Variants in FAM193A observed in about 807,000 individuals in gnomAD.
The protein encoded by FAM193A is protein FAM193A.
A neutral mutation model predicts 126.5 loss-of-function variants in FAM193A; 22 were observed. The ratio of observed to expected loss-of-function variants is 0.17; its 90% CI spans 0.12 to 0.25. FAM193A has a LOEUF of 0.25. FAM193A is among the 10% of genes least tolerant of loss of function. The pLI is 1.00. For missense variants in FAM193A, 1,675 were observed against 1,672.8 expected, an observed-to-expected ratio of 1.00 and a Z score of -0.02; for synonymous variants, 761 against 646.8, an observed-to-expected ratio of 1.18 and a Z score of -2.68.
At chr4:2,708,378 G>A (rs1430011556) in intron 19 of FAM193A, 1 of 166,834 alleles carries the variant, frequency 6.0e-6, no homozygotes, top group African/African-American at 2.4e-5. Flanking sequence ...ACCCATCTCG[G>A]CCTCCCAAAA....
At chr4:2,677,478 C>T (rs1315403088) in intron 13 of FAM193A, among the ~76,000 whole-genome samples, 1 of 151,728 alleles carries the variant, frequency 6.6e-6, no homozygotes, top group African/African-American at 2.4e-5. Flanking sequence ...CGGTGGCTTA[C>T]ACTTGTAATC....
intron 1 of FAM193A, among the ~76,000 whole-genome samples, chr4:2,537,692 G>A (rs1281074832): frequency 6.6e-6 from 1 of 152,214 alleles, no homozygotes; most frequent in Admixed American, 6.5e-5. Context: ...TATTCCGTGC[G>A]CGTGATGATT....
rs1350934311 is a variant in FAM193A at position 2,700,247 on chromosome 4, A to C, written c.4075A>C (p.Lys1359Gln). The C allele has an allele frequency of 1.2e-6, 2 of 1,614,058 alleles. No homozygotes were observed. The highest frequency in any genetic ancestry group is 1.7e-5 in the Admixed American group (1 of 60,004). Residue 1359 changes from lysine to glutamine, a missense_variant, in exon 19 of 21, where the codon AAG becomes CAG. Physicochemically the swap from Lys to Gln is moderately conservative, Grantham distance 53. Transcript: ENST00000637812. ...EPARRPTEPP[K>Q]ATEGQSKPRA... ...AGCGAGGAGGCCCACAGAGCCCCCC[A>C]AGGCCACAGAGGGGCAGTCCAAGCC...
At chr4:2,679,790 T>G (rs902169770) in intron 13 of FAM193A, among the ~76,000 whole-genome samples, 6 of 152,184 alleles carry the variant, frequency 3.9e-5, no homozygotes, top group Non-Finnish European at 8.8e-5. Flanking sequence ...AAGATTGGTA[T>G]TAATTCTTTA....
intron 13 of FAM193A, among the ~76,000 whole-genome samples, chr4:2,680,875 C>G (rs867183710): frequency 6.6e-6 from 1 of 151,388 alleles, no homozygotes; most frequent in South Asian, 2.1e-4. Context: ...CCCCTGACCT[C>G]AGGTGATCCA....
chr4:2,591,556 C>T (rs910161440), intron 1 of FAM193A, among the ~76,000 whole-genome samples: 6 of 152,036 alleles, frequency 3.9e-5, no homozygotes, highest in African/African-American at 7.2e-5. Context: ...CTTCATAGGG[C>T]GGTCTAATCT....
chr4:2,607,172 A>G (rs1455805980), intron 2 of FAM193A, among the ~76,000 whole-genome samples: 1 of 152,188 alleles, frequency 6.6e-6, no homozygotes, highest in Admixed American at 6.5e-5. Flanking sequence ...TATTCAGAAG[A>G]CTTGTGCTCA....
rs1264341157 is a variant in FAM193A at position 2,536,771 on chromosome 4, C to T, written c.-145C>T. On this transcript the variant is annotated 5_prime_UTR_variant, in exon 1 of 21. Coordinates refer to ENST00000637812, the MANE Select transcript of FAM193A (RefSeq NM_001366318.2). ...CGCAGCTCCCGCCCGCCCCAGCCCT[C>T]CCCGACCCGGACGCGACCCCGCGCA... 1.3e-5 allele frequency: 2 copies of T among 148,930 alleles called. No individual in the cohort carries two copies. The highest frequency in any genetic ancestry group is 3.0e-5 in the Non-Finnish European group (2 of 66,538). 9.2% of individuals were successfully genotyped at this position (148,930 alleles called of 1,614,324 possible). A position where few individuals can be genotyped will look rare whatever the true frequency, so the allele number is the denominator to read the frequency against.
At chr4:2,636,957 G>A (rs1744144178) in intron 5 of FAM193A, among the ~76,000 whole-genome samples, 1 of 151,940 alleles carries the variant, frequency 6.6e-6, no homozygotes, top group South Asian at 2.1e-4. Context: ...GCCCTCACGT[G>A]AGGTTTATTC....
At chr4:2,705,275 C>A (rs188966926) in intron 19 of FAM193A, among the ~76,000 whole-genome samples, 1 of 152,322 alleles carries the variant, frequency 6.6e-6, no homozygotes, top group East Asian at 1.9e-4. Flanking sequence ...GACATTCTCT[C>A]CCAGTTCATA....
intron 1 of FAM193A, among the ~76,000 whole-genome samples, chr4:2,561,581 C>T (rs1159943183): frequency 4.6e-5 from 7 of 151,424 alleles, no homozygotes; most frequent in Admixed American, 4.0e-4. Flanking sequence ...ACTGCAACCA[C>T]TGTCTCCCAG....
At chr4:2,575,829 G>A (rs943106214) in intron 1 of FAM193A, among the ~76,000 whole-genome samples, 16 of 152,030 alleles carry the variant, frequency 1.1e-4, no homozygotes, top group African/African-American at 2.7e-4. Context: ...ACACACCATC[G>A]TCCATAAAGA....
At chr4:2,556,495 C>T (rs927403536) in intron 1 of FAM193A, among the ~76,000 whole-genome samples, 23 of 152,162 alleles carry the variant, frequency 1.5e-4, no homozygotes, top group Non-Finnish European at 4.4e-5. Context: ...TGAGCCACCA[C>T]GCCCGGCTGA....
intron 8 of FAM193A, among the ~76,000 whole-genome samples, chr4:2,659,346 G>A (rs570556696): frequency 1.3e-5 from 2 of 152,266 alleles, no homozygotes; most frequent in Admixed American, 6.5e-5. Context: ...GAAGACAAAA[G>A]CGATTAGGGT....
chr4:2,591,024 C>T (rs1577048184), intron 1 of FAM193A, among the ~76,000 whole-genome samples: 1 of 146,902 alleles, frequency 6.8e-6, no homozygotes, highest in Non-Finnish European at 1.5e-5. Flanking sequence ...AAGACTCCCT[C>T]TCAAAAAAAA....
At chr4:2,665,448 A>G (rs1712999006) in intron 12 of FAM193A, among the ~76,000 whole-genome samples, 2 of 152,090 alleles carry the variant, frequency 1.3e-5, no homozygotes, top group South Asian at 4.1e-4. Context: ...CTTCCTTTCC[A>G]ATCTGGATGC....
intron 2 of FAM193A, among the ~76,000 whole-genome samples, chr4:2,603,039 G>A (rs2108923706): frequency 8.1e-6 from 1 of 123,984 alleles, no homozygotes; most frequent in East Asian, 2.5e-4. Context: ...CGCCATCTCA[G>A]CTCACTGCAG....
intron 19 of FAM193A, chr4:2,715,435 T>C: frequency 3.4e-6 from 3 of 890,964 alleles, no homozygotes; most frequent in South Asian, 1.0e-4. Context: ...GGTGACAGAA[T>C]GAGACTTCAT....
At chr4:2,568,931 G>A (rs1310227065) in intron 1 of FAM193A, among the ~76,000 whole-genome samples, 1 of 148,470 alleles carries the variant, frequency 6.7e-6, no homozygotes, top group East Asian at 2.0e-4. Context: ...TTTAACACTA[G>A]TGTGGTTACT....
Sources: gnomAD v4.1 joint callset for allele counts (sites outside exome capture counted in the v4.1 genomes callset) on GRCh38, gnomAD v4.1.1 for gene constraint, MANE v1.5 for transcripts, NCBI Gene and HGNC (gene_info 2026-07-23, HGNC 2026-07-21) for gene names.